Variants in PPP6R3 observed in about 807,000 individuals in gnomAD.
PPP6R3 encodes serine/threonine-protein phosphatase 6 regulatory subunit 3.
A neutral mutation model predicts 110.7 loss-of-function variants in PPP6R3; 38 were observed. The observed-to-expected ratio is 0.34, with a 90% CI of 0.26 to 0.45. The LOEUF (loss-of-function observed/expected upper bound fraction) is 0.45, where lower values mean the gene tolerates loss of function less well. Ranked by LOEUF, PPP6R3 falls within the 20% of genes least tolerant of loss-of-function variation. The pLI, the probability that PPP6R3 is intolerant of heterozygous loss-of-function variation, is 1.00. For synonymous variants in PPP6R3, 369 were observed against 373.5 expected (o/e 0.99, Z 0.14); for missense variants, 870 against 1,062.4 (o/e 0.82, Z 2.52).
intron 1 of PPP6R3, chr11:68,505,051 TTCTTTTCTATG>T (rs2099068597): frequency 6.6e-6 from 1 of 152,242 alleles, no homozygotes; most frequent in African/African-American, 2.4e-5. Flanking sequence ...CACTTATTTG[TTCTTTTCTATG>T]TCTTCTTAGA....
At chr11:68,509,464 T>G (rs1391679951) in intron 1 of PPP6R3, among the ~76,000 whole-genome samples, 4 of 142,354 alleles carry the variant, frequency 2.8e-5, no homozygotes, top group Non-Finnish European at 6.1e-5. Flanking sequence ...TTTATTTTAC[T>G]TCTCTATTTT....
chr11:68,506,414 C>CAAAAAAAAAAAAAAAAAAAAAAA lies in PPP6R3; in HGVS notation c.-157-13075_-157-13053dup, dbSNP rs67739319. 1.3e-4 allele frequency among the ~76,000 whole-genome samples: 6 copies of CAAAAAAAAAAAAAAAAAAAAAAA among 46,070 alleles called. 1 individual carries two copies. The highest frequency in any genetic ancestry group is 2.1e-4 in the Non-Finnish European group (5 of 23,482). The allele number at this position is 46,070 out of a possible 152,430, so 30.2% of individuals were successfully genotyped here. A position where few individuals can be genotyped will look rare whatever the true frequency, so the allele number is the denominator to read the frequency against. ...ACTGCTGCACCCAGCCCTTTATACT[C>CAAAAAAAAAAAAAAAAAAAAAAA]AAAAAAAAAAAAAAAAAAAAAAAAA... On this transcript the variant is annotated intron_variant, in intron 1 of 23. Transcript: ENST00000393800.
At chr11:68,513,313 G>A (rs952600505) in intron 1 of PPP6R3, among the ~76,000 whole-genome samples, 1 of 152,026 alleles carries the variant, frequency 6.6e-6, no homozygotes, top group African/African-American at 2.4e-5. Context: ...TCTGGTATTG[G>A]GGAAGTCAAA....
At chr11:68,537,999 G>C in intron 3 of PPP6R3, 108 bp downstream of exon 3, 2 of 821,994 alleles carry the variant, frequency 2.4e-6, no homozygotes, top group East Asian at 2.7e-5. Flanking sequence ...ATTTACAGAA[G>C]GGTAAGATAG....
chr11:68,572,884 C>T (rs967731198), intron 12 of PPP6R3, among the ~76,000 whole-genome samples: 1 of 151,602 alleles, frequency 6.6e-6, no homozygotes, highest in African/African-American at 2.4e-5. Context: ...TAGGCACCCC[C>T]AAGCCCTCTA....
intron 1 of PPP6R3, among the ~76,000 whole-genome samples, chr11:68,517,653 A>C (rs1219072092): frequency 6.6e-6 from 1 of 152,196 alleles, no homozygotes; most frequent in Non-Finnish European, 1.5e-5. Context: ...AATGATGTTA[A>C]TTGGCCAGGC....
chr11:68,502,348 A>G (rs2099053097), intron 1 of PPP6R3, among the ~76,000 whole-genome samples: 1 of 152,158 alleles, frequency 6.6e-6, no homozygotes, highest in Non-Finnish European at 1.5e-5. Context: ...TACCTCTTAG[A>G]TGAAACTAGT....
chr11:68,486,603 TAAAAA>T (rs61408861), intron 1 of PPP6R3, among the ~76,000 whole-genome samples: 1 of 111,682 alleles, frequency 9.0e-6, no homozygotes, highest in African/African-American at 3.5e-5. Context: ...GACTCTGTCT[TAAAAA>T]AAAAAAAAAA....
intron 1 of PPP6R3, among the ~76,000 whole-genome samples, chr11:68,509,685 C>T (rs907772792): frequency 1.3e-5 from 2 of 149,672 alleles, no homozygotes; most frequent in African/African-American, 4.9e-5. Context: ...AATCTTGGCT[C>T]ATTGAAACAT....
intron 3 of PPP6R3, among the ~76,000 whole-genome samples, chr11:68,542,976 G>A (rs2099327820): frequency 6.6e-6 from 1 of 152,174 alleles, no homozygotes; most frequent in Non-Finnish European, 1.5e-5. Flanking sequence ...CATTAAGACA[G>A]TTGAGTGAGT....
chr11:68,477,771 T>TAA (rs2098846253), intron 1 of PPP6R3, among the ~76,000 whole-genome samples: 2 of 138,810 alleles, frequency 1.4e-5, no homozygotes, highest in African/African-American at 2.7e-5. Flanking sequence ...TATATATATA[T>TAA]AATTTCCAAC....
intron 1 of PPP6R3, among the ~76,000 whole-genome samples, chr11:68,517,519 CA>C (rs2099143026): frequency 6.6e-6 from 1 of 152,116 alleles, no homozygotes; most frequent in South Asian, 2.1e-4. Context: ...ATGCATAAGA[CA>C]AATCCAGAAC....
At chr11:68,514,091 T>C (rs1323229638) in intron 1 of PPP6R3, among the ~76,000 whole-genome samples, 1 of 152,300 alleles carries the variant, frequency 6.6e-6, no homozygotes, top group East Asian at 1.9e-4. Context: ...TGAAACAAGG[T>C]CTTGCTTTGT....
At chr11:68,571,017 A>C (rs1288677672) in intron 11 of PPP6R3, 23 bp from the exon 12 acceptor site, 1 of 1,583,728 alleles carries the variant, frequency 6.3e-7, no homozygotes, top group African/African-American at 1.4e-5. Context: ...TATTAACTGG[A>C]ATATTCTTTT....
At chr11:68,512,786 T>C (rs1194876002) in intron 1 of PPP6R3, among the ~76,000 whole-genome samples, 1 of 152,206 alleles carries the variant, frequency 6.6e-6, no homozygotes, top group Non-Finnish European at 1.5e-5. Context: ...TAAACGCACT[T>C]GCTTAATCAC....
chr11:68,514,679 G>A (rs1342575580), intron 1 of PPP6R3, among the ~76,000 whole-genome samples: 1 of 152,108 alleles, frequency 6.6e-6, no homozygotes, highest in South Asian at 2.1e-4. Context: ...CTGTCTCCCA[G>A]GTTCAAGTGA....
rs1187559256 is a variant in PPP6R3 at position 68,567,107 on chromosome 11, A to G, written c.1069A>G (p.Thr357Ala). ...TAGGTTGATATCCAGCCTGCTTCAA[A>G]CCAATACCAGCAGTATAAATGGGGA... ...VIRLISSLLQ[T>A]NTSSINGDLM... The change falls in exon 10 of 24, where the codon ACC becomes GCC. Residue 357 changes from threonine to alanine, a missense_variant. Transcript: ENST00000393800. 3 of 1,551,358 alleles carry G rather than the reference A, an allele frequency of 1.9e-6. No individual in the cohort carries two copies. The highest frequency in any genetic ancestry group is 2.6e-6 in the Non-Finnish European group (3 of 1,146,894).
intron 1 of PPP6R3, among the ~76,000 whole-genome samples, chr11:68,465,032 C>T (rs1258701384): frequency 6.6e-6 from 1 of 152,068 alleles, no homozygotes; most frequent in African/African-American, 2.4e-5. Flanking sequence ...CAGGTGCGTG[C>T]CACCACACCT....
At chr11:68,478,534 C>A (rs142392088) in intron 1 of PPP6R3, among the ~76,000 whole-genome samples, 1 of 151,318 alleles carries the variant, frequency 6.6e-6, no homozygotes, top group African/African-American at 2.4e-5. Flanking sequence ...TGCCCTTTTA[C>A]TTTCAAGCTC....
Sources: allele counts gnomAD v4.1 joint callset (sites outside exome capture counted in the v4.1 genomes callset), GRCh38; gene constraint gnomAD v4.1.1; transcripts MANE v1.5; gene names NCBI Gene and HGNC (gene_info 2026-07-23, HGNC 2026-07-21).